SMARCA2: variants seen among roughly 807,000 people sequenced by gnomAD.
The protein encoded by SMARCA2 is SWI/SNF related BAF chromatin remodeling complex subunit ATPase 2, also known as SWI/SNF-related matrix-associated actin-dependent regulator of chromatin subfamily A member 2.
Under a neutral mutation model 199.8 loss-of-function variants are expected in SMARCA2, and 61 were observed. The observed-to-expected ratio is 0.31, with a 90% CI of 0.25 to 0.38. The LOEUF (loss-of-function observed/expected upper bound fraction) is 0.38. SMARCA2 is among the 10% of genes least tolerant of loss of function. The probability of loss-of-function intolerance (pLI) is 1.00; values close to 1 mark genes in which losing one functional copy is unlikely to be tolerated. For missense variants in SMARCA2, 1,344 were observed against 2,012.2 expected (o/e 0.67, Z 6.35); for synonymous variants, 935 against 732.0 (o/e 1.28, Z -4.48).
At chr9:2,128,649 A>G (rs1823802053) in intron 27 of SMARCA2, among the ~76,000 whole-genome samples, 1 of 152,254 alleles carries the variant, frequency 6.6e-6, no homozygotes, top group Admixed American at 6.5e-5. Flanking sequence ...TGCAAATTGT[A>G]TAAAAGTATG....
chr9:2,120,856 G>A (rs143107843), intron 26 of SMARCA2, among the ~76,000 whole-genome samples: 520 of 152,298 alleles, frequency 3.4e-3, no homozygotes, highest in Middle Eastern at 0.01. Context: ...CATGGTCAAT[G>A]TAGGGCATTC....
rs771784910 is a variant in SMARCA2, at chr9:2,169,105, A to G, written c.4200-1314A>G. The stretch of plus-strand genomic sequence containing the variant: ...GAAGACTTTCCCAATTCTGTGCCTT[A>G]TTGCTGACACTCAGAGTCCCCTCAA... On this transcript the variant is annotated intron_variant, in intron 28 of 33. Coordinates refer to ENST00000349721, the MANE Select transcript of SMARCA2 (RefSeq NM_003070.5). This position sits in a 1 kb window ranked among gnomAD's most constrained non-coding sequence, Gnocchi z 6.5. 5.9e-5 allele frequency among the ~76,000 whole-genome samples: 9 copies of G among 152,112 alleles called. No individual in the cohort carries two copies. The highest frequency in any genetic ancestry group is 8.8e-5 in the Non-Finnish European group (6 of 68,014).
chr9:2,037,621 C>T (rs1819390373), intron 3 of SMARCA2, among the ~76,000 whole-genome samples: 1 of 152,162 alleles, frequency 6.6e-6, no homozygotes, highest in African/African-American at 2.4e-5. Flanking sequence ...ATTCTCCGGC[C>T]TCTGTGATTC....
intron 27 of SMARCA2, chr9:2,160,769 C>CTT (rs886727968): frequency 2.2e-4 from 88 of 395,114 alleles, no homozygotes; most frequent in African/African-American, 1.7e-3. Flanking sequence ...ATTTAAAGAT[C>CTT]TTTTTTTTAG....
chr9:2,157,069 A>G (rs952089981), intron 27 of SMARCA2, among the ~76,000 whole-genome samples: 1 of 152,202 alleles, frequency 6.6e-6, no homozygotes, highest in Non-Finnish European at 1.5e-5. Flanking sequence ...TCTGCATCCA[A>G]AAGTGCTACA....
chr9:2,150,761 G>A (rs79054412), intron 27 of SMARCA2, among the ~76,000 whole-genome samples: 2,790 of 151,620 alleles, frequency 0.018, 101 homozygotes, highest in African/African-American at 0.064. Flanking sequence ...TTATCTCACT[G>A]TGTGGAGGCT....
Position 2,169,695 on chromosome 9 carries a change from C to G in SMARCA2, c.4200-724C>G, listed in dbSNP as rs1440169424. ...GGGAGATCTAGAGGGTATGGAGGGT[C>G]TTCCCAGGATCTGTGAAACCTGGCA... On this transcript the variant is annotated intron_variant, in intron 28 of 33. Coordinates refer to ENST00000349721, the MANE Select transcript of SMARCA2 (RefSeq NM_003070.5). This position sits in a 1 kb window ranked among gnomAD's most constrained non-coding sequence, Gnocchi z 6.5. 6.6e-6 allele frequency among the ~76,000 whole-genome samples: 1 copy of G among 152,130 alleles called. No individual in the cohort carries two copies. Among genetic ancestry groups the G allele is most frequent in the Non-Finnish European group, 1.5e-5 (1 of 68,024 alleles).
In SMARCA2 at chr9:2,073,203, C is replaced by T; in HGVS notation, c.1747-9C>T. 1 of 1,614,002 alleles carries T rather than the reference C, an allele frequency of 6.2e-7. No homozygotes were observed. The highest frequency in any genetic ancestry group is 8.5e-7 in the Non-Finnish European group (1 of 1,179,966). On this transcript the variant is annotated splice_polypyrimidine_tract_variant and intron_variant, in intron 10 of 33. Coordinates refer to ENST00000349721, the MANE Select transcript of SMARCA2 (RefSeq NM_003070.5). ...ATGAAACCGTGACATGATTTTCCCTCCTTTGTAGCCCATAGATGAGAGCAG... is the reference window on the plus strand; with the variant it reads ...ATGAAACCGTGACATGATTTTCCCTTCTTTGTAGCCCATAGATGAGAGCAG...
At chr9:2,088,367 C>T (rs1821896682) in intron 18 of SMARCA2, 133 bp from the exon 19 acceptor site, 1 of 971,538 alleles carries the variant, frequency 1.0e-6, no homozygotes, top group Non-Finnish European at 1.4e-6. Context: ...GTAGATATGA[C>T]AGGCTTAAAC....
At chr9:2,155,895 G>C (rs1463038589) in intron 27 of SMARCA2, among the ~76,000 whole-genome samples, 1 of 151,938 alleles carries the variant, frequency 6.6e-6, no homozygotes, top group African/African-American at 2.4e-5. Flanking sequence ...AGAACTGGGA[G>C]TGCAGTTGGC....
chr9:2,181,412 T>C, intron 29 of SMARCA2, 159 bp from the exon 30 acceptor site: 1 of 572,468 alleles, frequency 1.7e-6, no homozygotes, highest in Non-Finnish European at 3.1e-6. Flanking sequence ...GGGACATCAA[T>C]CTCCAATAGA....
intron 27 of SMARCA2, among the ~76,000 whole-genome samples, chr9:2,133,385 A>C (rs1049896446): frequency 1.3e-5 from 2 of 152,134 alleles, no homozygotes; most frequent in African/African-American, 2.4e-5. Context: ...CGGCTCAAGC[A>C]GTCTTCCTGC....
At chr9:2,089,659 C>T (rs1821965746) in intron 19 of SMARCA2, among the ~76,000 whole-genome samples, 1 of 152,140 alleles carries the variant, frequency 6.6e-6, no homozygotes, top group South Asian at 2.1e-4. Flanking sequence ...GTATTTTATT[C>T]TGCTGGTGAA....
chr9:2,098,116 TG>T (rs1284443169), intron 21 of SMARCA2, among the ~76,000 whole-genome samples: 2 of 152,200 alleles, frequency 1.3e-5, no homozygotes, highest in African/African-American at 4.8e-5. Flanking sequence ...CACAATTGAC[TG>T]GAGCAGGAAT....
chr9:2,026,575 A>C (rs945875557), intron 1 of SMARCA2, among the ~76,000 whole-genome samples: 1 of 152,212 alleles, frequency 6.6e-6, no homozygotes, highest in Non-Finnish European at 1.5e-5. Context: ...TACATCAATT[A>C]TATTAAACGT....
chr9:2,071,867 A>C (rs1821103944), intron 10 of SMARCA2, among the ~76,000 whole-genome samples: 1 of 152,212 alleles, frequency 6.6e-6, no homozygotes, highest in Non-Finnish European at 1.5e-5. Flanking sequence ...ATGACCTTTT[A>C]CATTAATGAG....
intron 32 of SMARCA2, among the ~76,000 whole-genome samples, chr9:2,188,883 G>T: frequency 6.6e-6 from 1 of 152,300 alleles, no homozygotes; most frequent in East Asian, 1.9e-4. Flanking sequence ...CTTGCTGGCT[G>T]CCAGTGGAAG....
At chr9:2,043,151 G>A (rs1819684323) in intron 4 of SMARCA2, 1 of 152,192 alleles carries the variant, frequency 6.6e-6, no homozygotes, top group Admixed American at 6.5e-5. Flanking sequence ...CGTAGAGGTA[G>A]TTGTGTTCCC....
chr9:2,025,195 A>T (rs1374638130), intron 1 of SMARCA2, among the ~76,000 whole-genome samples: 1 of 152,104 alleles, frequency 6.6e-6, no homozygotes, highest in African/African-American at 2.4e-5. Flanking sequence ...AATGTAGGAA[A>T]GTGGGAAGTA....
Sources: allele counts gnomAD v4.1 joint callset (sites outside exome capture counted in the v4.1 genomes callset), GRCh38; gene constraint gnomAD v4.1.1; non-coding constraint Gnocchi (gnomAD v3.1); transcripts MANE v1.5; gene names NCBI Gene and HGNC (gene_info 2026-07-23, HGNC 2026-07-21).